Variants in SLC24A2 observed in about 807,000 individuals in gnomAD.
SLC24A2 encodes the protein sodium/potassium/calcium exchanger 2.
SLC24A2 carries 36 observed loss-of-function variants against 62.0 expected under a neutral mutation model. That is an observed-to-expected ratio of 0.58 (90% CI 0.44 to 0.77). The LOEUF (loss-of-function observed/expected upper bound fraction) is 0.77. Ranked by LOEUF, SLC24A2 falls within the 30% of genes least tolerant of loss-of-function variation. The pLI is 0.00. For synonymous variants in SLC24A2, 358 were observed against 294.0 expected, an observed-to-expected ratio of 1.22 and a Z score of -2.23; for missense variants, 846 against 817.9, an observed-to-expected ratio of 1.03 and a Z score of -0.42.
intron 4 of SLC24A2, among the ~76,000 whole-genome samples, chr9:19,609,627 T>C (rs963590637): frequency 2.6e-5 from 4 of 152,200 alleles, no homozygotes; most frequent in Admixed American, 6.5e-5. Context: ...CTTAAATATT[T>C]CTTTTGGGTT....
the SLC24A2 span, among the ~76,000 whole-genome samples, chr9:20,074,445 C>A: frequency 6.6e-6 from 1 of 151,780 alleles, no homozygotes; most frequent in East Asian, 1.9e-4. Flanking sequence ...TTATCTGTTT[C>A]ATTTAGGACA....
intron 2 of SLC24A2, among the ~76,000 whole-genome samples, chr9:19,652,061 T>C (rs1386662855): frequency 3.3e-5 from 5 of 152,232 alleles, no homozygotes; most frequent in African/African-American, 1.2e-4. Flanking sequence ...CTAAGTGTTC[T>C]GCATAGAGAG....
chr9:19,675,629 A>T (rs1009594823), intron 2 of SLC24A2, among the ~76,000 whole-genome samples: 4 of 151,948 alleles, frequency 2.6e-5, no homozygotes, highest in African/African-American at 7.3e-5. Flanking sequence ...GTCGCCAGGG[A>T]AGTGGGGGAA....
At chr9:19,981,393 T>C in the SLC24A2 span, among the ~76,000 whole-genome samples, 1 of 152,170 alleles carries the variant, frequency 6.6e-6, no homozygotes, top group Non-Finnish European at 1.5e-5. Flanking sequence ...TAGTATTTAA[T>C]TTATTTTGTA....
the SLC24A2 span, among the ~76,000 whole-genome samples, chr9:19,953,356 G>T: frequency 1.3e-5 from 2 of 151,966 alleles, no homozygotes; most frequent in Non-Finnish European, 2.9e-5. Context: ...AACAACTATA[G>T]TTTTCAATGT....
the SLC24A2 span, among the ~76,000 whole-genome samples, chr9:20,069,980 T>A: frequency 3.3e-5 from 5 of 152,218 alleles, no homozygotes; most frequent in Non-Finnish European, 5.9e-5. Flanking sequence ...TACATTAACA[T>A]GACCTTATTA....
chr9:20,252,813 C>G, the SLC24A2 span, among the ~76,000 whole-genome samples: 1 of 152,224 alleles, frequency 6.6e-6, no homozygotes, highest in Non-Finnish European at 1.5e-5. Flanking sequence ...ATCCCCACTC[C>G]AAATTTTCAT....
intron 10 of SLC24A2, among the ~76,000 whole-genome samples, chr9:19,519,099 T>A (rs1178523221): frequency 1.3e-5 from 2 of 152,154 alleles, no homozygotes; most frequent in Non-Finnish European, 2.9e-5. Context: ...GAGGGAATAT[T>A]TGAAGCCACA....
chr9:20,213,036 G>A, the SLC24A2 span, among the ~76,000 whole-genome samples: 1 of 151,668 alleles, frequency 6.6e-6, no homozygotes, highest in African/African-American at 2.4e-5. Flanking sequence ...GTGTGTGGGT[G>A]GGGAGGGAGA....
the SLC24A2 span, among the ~76,000 whole-genome samples, chr9:20,148,929 G>C: frequency 6.6e-6 from 1 of 152,040 alleles, no homozygotes; most frequent in Non-Finnish European, 1.5e-5. Flanking sequence ...AAAAATCACA[G>C]TTGTAAGTGA....
At chr9:20,002,591 G>C in the SLC24A2 span, among the ~76,000 whole-genome samples, 1 of 152,098 alleles carries the variant, frequency 6.6e-6, no homozygotes, top group Non-Finnish European at 1.5e-5. Flanking sequence ...GTACATCACA[G>C]AGTTAGGACT....
chr9:19,698,610 G>C (rs959199639), intron 2 of SLC24A2, among the ~76,000 whole-genome samples: 1 of 152,008 alleles, frequency 6.6e-6, no homozygotes, highest in Non-Finnish European at 1.5e-5. Context: ...TCATTTGTTC[G>C]CTCCTTTTAG....
At chr9:20,242,776 G>C in the SLC24A2 span, among the ~76,000 whole-genome samples, 1 of 152,182 alleles carries the variant, frequency 6.6e-6, no homozygotes, top group East Asian at 1.9e-4. Flanking sequence ...TCCATTAATG[G>C]CTTTGTCATT....
chr9:20,031,496 G>A, the SLC24A2 span, among the ~76,000 whole-genome samples: 1 of 151,452 alleles, frequency 6.6e-6, no homozygotes, highest in African/African-American at 2.4e-5. Context: ...AAATTAAAGA[G>A]TAAGCCACCA....
chr9:20,148,494 T>G, the SLC24A2 span, among the ~76,000 whole-genome samples: 1 of 152,092 alleles, frequency 6.6e-6, no homozygotes, highest in East Asian at 1.9e-4. Flanking sequence ...TTATGACTAC[T>G]TTAAAAGAAG....
chr9:20,285,906 C>T, the SLC24A2 span, among the ~76,000 whole-genome samples: 3 of 152,162 alleles, frequency 2.0e-5, no homozygotes, highest in Admixed American at 2.0e-4. Flanking sequence ...AGGAGAGAGG[C>T]TCAGGAGAAA....
chr9:19,993,873 T>C, the SLC24A2 span, among the ~76,000 whole-genome samples: 1 of 152,164 alleles, frequency 6.6e-6, no homozygotes, highest in Admixed American at 6.5e-5. Flanking sequence ...TTAATGCCCA[T>C]GGTGAAAACA....
intron 2 of SLC24A2, among the ~76,000 whole-genome samples, chr9:19,712,106 C>CTGGG (rs981286465): frequency 6.6e-6 from 1 of 152,096 alleles, no homozygotes; most frequent in Non-Finnish European, 1.5e-5. Context: ...CACAAAAAGT[C>CTGGG]TGGGGAAGGT....
chr9:19,929,490 T>A, the SLC24A2 span: 1 of 152,194 alleles, frequency 6.6e-6, no homozygotes, highest in Non-Finnish European at 1.5e-5. Context: ...TATTGCCTGG[T>A]GACATTATAG....
Sources: gnomAD v4.1 joint callset for allele counts (sites outside exome capture counted in the v4.1 genomes callset) on GRCh38, gnomAD v4.1.1 for gene constraint, MANE v1.5 for transcripts, NCBI Gene and HGNC (gene_info 2026-07-23, HGNC 2026-07-21) for gene names.